The following FOXN3 variants were observed in gnomAD, a reference collection of about 807,000 sequenced individuals.
The protein encoded by FOXN3 is forkhead box N3.
A neutral mutation model predicts 38.4 loss-of-function variants in FOXN3; 7 were observed. That is an observed-to-expected ratio of 0.18 (90% confidence interval 0.10 to 0.34). The LOEUF (loss-of-function observed/expected upper bound fraction) is 0.34. Ranked by LOEUF, FOXN3 falls within the 10% of genes least tolerant of loss-of-function variation. FOXN3 has a pLI of 1.00. For missense variants in FOXN3, 456 were observed against 613.4 expected (o/e 0.74, Z 2.71); for synonymous variants, 230 against 242.2 (o/e 0.95, Z 0.47).
At chr14:89,536,961 T>A (rs574818548) in intron 1 of FOXN3, among the ~76,000 whole-genome samples, 5 of 152,136 alleles carry the variant, frequency 3.3e-5, no homozygotes, top group Non-Finnish European at 7.3e-5. Context: ...GACCCCTTGA[T>A]TATATCTTCT....
intron 1 of FOXN3, among the ~76,000 whole-genome samples, chr14:89,521,152 A>T (rs1403417259): frequency 6.6e-6 from 1 of 152,166 alleles, no homozygotes; most frequent in Non-Finnish European, 1.5e-5. Flanking sequence ...TCTACTAAAA[A>T]TACAAAAATT....
At chr14:89,363,105 G>A (rs888328182) in intron 2 of FOXN3, among the ~76,000 whole-genome samples, 2 of 152,162 alleles carry the variant, frequency 1.3e-5, no homozygotes, top group African/African-American at 2.4e-5. Context: ...TGAGCCCTGG[G>A]GGAGGAAGGG....
intron 4 of FOXN3, among the ~76,000 whole-genome samples, chr14:89,243,936 C>G (rs1885214182): frequency 6.6e-6 from 1 of 152,202 alleles, no homozygotes; most frequent in South Asian, 2.1e-4. Flanking sequence ...CCCCTAAGCT[C>G]CAACTCGCAG....
At chr14:89,427,955 A>G (rs1362188018) in intron 1 of FOXN3, among the ~76,000 whole-genome samples, 1 of 152,170 alleles carries the variant, frequency 6.6e-6, no homozygotes, top group Non-Finnish European at 1.5e-5. Context: ...AAAGTTTTTA[A>G]GAGATTTTAT....
intron 2 of FOXN3, among the ~76,000 whole-genome samples, chr14:89,365,242 ACCT>A (rs1890102798): frequency 6.6e-6 from 1 of 151,620 alleles, no homozygotes; most frequent in Non-Finnish European, 1.5e-5. Flanking sequence ...GCAGTGTGTC[ACCT>A]CCCGAGGCTG....
At chr14:89,575,005 G>T (rs376880741) in intron 1 of FOXN3, among the ~76,000 whole-genome samples, 3 of 152,146 alleles carry the variant, frequency 2.0e-5, no homozygotes, top group African/African-American at 7.2e-5. Flanking sequence ...CAAGGCCAGC[G>T]GGAAGCTGAA....
At position 89,269,484 on chromosome 14, in the gene FOXN3, T is replaced by G. The variant is rs117503112; in HGVS notation, c.745+11466A>C. On this transcript the variant is annotated intron_variant, in intron 4 of 5. Transcript: ENST00000557258. ...TGGTCACTTGCTTTTTGTTTTGTTT[T>G]GTTTTTTTTTTTCCTTTTTCCATGA... 2.6e-4 allele frequency among the ~76,000 whole-genome samples: 7 copies of G among 27,300 alleles called. No individual in the cohort carries two copies. In the East Asian group the frequency reaches 7.1e-3, roughly 28 times the overall value. 17.9% of individuals were successfully genotyped at this position (27,300 alleles called of 152,430 possible).
At chr14:89,401,326 C>G (rs1475029850) in intron 2 of FOXN3, among the ~76,000 whole-genome samples, 1 of 152,134 alleles carries the variant, frequency 6.6e-6, no homozygotes, top group Non-Finnish European at 1.5e-5. Context: ...CCTGTAATCC[C>G]AGCTACTCAG....
In FOXN3 at chr14:89,412,595, C is replaced by A. The variant is rs1891572180; in HGVS notation, c.-14-105G>T. 1.2e-6 allele frequency: 1 copy of A among 860,646 alleles called. No homozygotes were observed. Among genetic ancestry groups the A allele is most frequent in the Non-Finnish European group, 1.8e-6 (1 of 570,982 alleles). The allele number at this position is 860,646 out of a possible 1,614,324, so 53.3% of individuals were successfully genotyped here. ...GCCTCCCTCTGCCGCCTCTATGGAA[C>A]CCCTGCTACACAGGAACACCACCTT... On this transcript the variant is annotated intron_variant, in intron 1 of 5. Transcript: ENST00000557258. This position sits in a 1 kb window ranked among gnomAD's most constrained non-coding sequence, Gnocchi z 4.7.
chr14:89,358,240 C>A (rs1011363340), intron 2 of FOXN3, among the ~76,000 whole-genome samples: 3 of 152,174 alleles, frequency 2.0e-5, no homozygotes, highest in Non-Finnish European at 2.9e-5. Flanking sequence ...AAAACATTAT[C>A]CATAGTTCAC....
intron 2 of FOXN3, among the ~76,000 whole-genome samples, chr14:89,380,137 G>A (rs549742070): frequency 6.6e-6 from 1 of 152,286 alleles, no homozygotes; most frequent in Admixed American, 6.5e-5. Context: ...AGGGACCCGG[G>A]GGGAAGTAAT....
intron 3 of FOXN3, among the ~76,000 whole-genome samples, chr14:89,299,893 T>C (rs546585378): frequency 6.6e-6 from 1 of 152,236 alleles, no homozygotes; most frequent in East Asian, 1.9e-4. Context: ...TAAAATCCCC[T>C]CCATCAAGAG....
At chr14:89,391,677 C>A (rs971289392) in intron 2 of FOXN3, among the ~76,000 whole-genome samples, 1 of 152,142 alleles carries the variant, frequency 6.6e-6, no homozygotes, top group Non-Finnish European at 1.5e-5. Context: ...TTGGTGCCAC[C>A]GTGCTCTCTG....
intron 2 of FOXN3, among the ~76,000 whole-genome samples, chr14:89,368,253 C>T (rs549638720): frequency 6.6e-6 from 1 of 151,724 alleles, no homozygotes; most frequent in East Asian, 1.9e-4. Context: ...TCGCTTGAAC[C>T]CAGGAGGCGG....
intron 4 of FOXN3, among the ~76,000 whole-genome samples, chr14:89,266,200 G>A (rs1885973532): frequency 6.6e-6 from 1 of 152,206 alleles, no homozygotes; most frequent in Admixed American, 6.5e-5. Flanking sequence ...CAGTTCTGGA[G>A]GCTAGAAGTC....
At chr14:89,610,992 G>A (rs771856091) in intron 1 of FOXN3, among the ~76,000 whole-genome samples, 1 of 152,206 alleles carries the variant, frequency 6.6e-6, no homozygotes, top group Non-Finnish European at 1.5e-5. Context: ...AAAAGCAGCA[G>A]ACACACATTT....
intron 2 of FOXN3, among the ~76,000 whole-genome samples, chr14:89,373,152 C>A (rs536018916): frequency 6.6e-6 from 1 of 151,960 alleles, no homozygotes; most frequent in Non-Finnish European, 1.5e-5. Context: ...GGCAACAGAG[C>A]GGGACCCTGT....
chr14:89,266,178 C>T (rs1267218068), intron 4 of FOXN3, among the ~76,000 whole-genome samples: 1 of 152,198 alleles, frequency 6.6e-6, no homozygotes, highest in African/African-American at 2.4e-5. Context: ...AGAACAAAAA[C>T]TGATGTTCTC....
chr14:89,430,545 C>T (rs1183855122), intron 1 of FOXN3, among the ~76,000 whole-genome samples: 3 of 152,166 alleles, frequency 2.0e-5, no homozygotes, highest in African/African-American at 7.2e-5. Context: ...CTACTACTGT[C>T]ACTACTAAAA....
Sources: gnomAD v4.1 joint callset for allele counts (sites outside exome capture counted in the v4.1 genomes callset) on GRCh38, gnomAD v4.1.1 for gene constraint, Gnocchi (gnomAD v3.1) non-coding constraint, MANE v1.5 for transcripts, NCBI Gene and HGNC (gene_info 2026-07-23, HGNC 2026-07-21) for gene names.